Variants in CFAP54 observed in about 807,000 individuals in gnomAD.
CFAP54 encodes the protein cilia and flagella associated protein 54.
A neutral mutation model predicts 370.4 loss-of-function variants in CFAP54; 290 were observed. The ratio of observed to expected loss-of-function variants is 0.78; its 90% CI spans 0.71 to 0.86. The LOEUF (loss-of-function observed/expected upper bound fraction) is 0.86, where lower values mean the gene tolerates loss of function less well. Among genes scored for constraint, CFAP54 ranks in the 40% least tolerant of loss-of-function variants. The pLI is 0.00. For synonymous variants in CFAP54, 1,206 were observed against 1,236.5 expected (o/e 0.98, Z 0.52); for missense variants, 3,399 against 3,528.7 (o/e 0.96, Z 0.93).
chr12:96,570,609 C>T (rs1955907349), intron 19 of CFAP54, among the ~76,000 whole-genome samples: 1 of 152,094 alleles, frequency 6.6e-6, no homozygotes, highest in Non-Finnish European at 1.5e-5. Context: ...TATGACCTGT[C>T]AAGTTATTTA....
At chr12:96,822,791 C>T (rs554066213) in intron 65 of CFAP54, among the ~76,000 whole-genome samples, 41 of 152,338 alleles carry the variant, frequency 2.7e-4, no homozygotes, top group Non-Finnish European at 4.7e-4. Context: ...TTTTCCCCAG[C>T]TGTCTTGCTC....
chr12:96,805,645 T>A (rs1370452767), intron 63 of CFAP54, among the ~76,000 whole-genome samples: 3 of 151,318 alleles, frequency 2.0e-5, no homozygotes, highest in African/African-American at 7.3e-5. Flanking sequence ...TTGGTGGGAA[T>A]GTAAATTAGT....
chr12:96,491,880 C>T (rs1954888850), intron 1 of CFAP54, among the ~76,000 whole-genome samples: 2 of 152,154 alleles, frequency 1.3e-5, no homozygotes, highest in African/African-American at 2.4e-5. Context: ...GTGCCTCAGC[C>T]TTCTGAGTAG....
rs1565963345 is a variant in CFAP54, at chr12:96,747,087, A to G, written c.7684+2941A>G. 3.9e-5 allele frequency among the ~76,000 whole-genome samples: 6 copies of G among 152,244 alleles called. 1 individual carries two copies. The Middle Eastern group carries it at 0.014, about 345-fold the overall frequency. On this transcript the variant is annotated intron_variant, in intron 55 of 67. Transcript: ENST00000524981. ...ACGACATAAGCTTCTTAAGGCAACAATTTTGTTTTGTTCATCTGATATCCC... is the reference window on the plus strand; with the variant it reads ...ACGACATAAGCTTCTTAAGGCAACAGTTTTGTTTTGTTCATCTGATATCCC...
chr12:96,788,733 A>T (rs1209863066), intron 62 of CFAP54, among the ~76,000 whole-genome samples: 1 of 152,176 alleles, frequency 6.6e-6, no homozygotes, highest in Non-Finnish European at 1.5e-5. Context: ...ACTGTTAATA[A>T]ATTGTAAGTT....
intron 37 of CFAP54, 21 bp from the exon 38 acceptor site, chr12:96,658,190 G>A: frequency 6.3e-7 from 1 of 1,589,482 alleles, no homozygotes; most frequent in Non-Finnish European, 8.5e-7. Context: ...TCTTTTTAAT[G>A]TATTCTTTAC....
intron 36 of CFAP54, among the ~76,000 whole-genome samples, chr12:96,657,660 G>A (rs191826502): frequency 6.6e-6 from 1 of 152,312 alleles, no homozygotes; most frequent in East Asian, 1.9e-4. Flanking sequence ...TATAGGGAAC[G>A]ATAATGAACA....
chr12:96,683,105 A>G (rs904294716), intron 40 of CFAP54, among the ~76,000 whole-genome samples: 3 of 152,232 alleles, frequency 2.0e-5, no homozygotes, highest in Admixed American at 1.3e-4. Flanking sequence ...TGTATTTAAT[A>G]TATTCTTCTT....
At position 96,648,028 on chromosome 12, in the gene CFAP54, C is replaced by A; in HGVS notation, c.4690+11C>A. 1 of 1,491,338 alleles carries A rather than the reference C, an allele frequency of 6.7e-7. No homozygotes were observed. Among genetic ancestry groups the A allele is most frequent in the Non-Finnish European group, 8.8e-7 (1 of 1,131,106 alleles). 92.4% of individuals were successfully genotyped at this position (1,491,338 alleles called of 1,614,324 possible). On this transcript the variant is annotated intron_variant, in intron 34 of 67. Transcript: ENST00000524981. ...CCAACTTACCATCAGGTAAAATAAA[C>A]ATGTTAGTTTATTATTAAATTACCT...
At chr12:96,589,687 A>C in intron 23 of CFAP54, 124 bp downstream of exon 23, 1 of 632,890 alleles carries the variant, frequency 1.6e-6, no homozygotes, top group Non-Finnish European at 2.7e-6. Context: ...CATTTCTAAT[A>C]ACTATTGTAA....
chr12:96,849,845 C>T (rs1959485543), intron 66 of CFAP54, among the ~76,000 whole-genome samples: 1 of 152,096 alleles, frequency 6.6e-6, no homozygotes, highest in African/African-American at 2.4e-5. Flanking sequence ...TCAAATAGCT[C>T]CTTCAAGTGT....
At chr12:96,497,639 G>A (rs1279645153) in intron 1 of CFAP54, among the ~76,000 whole-genome samples, 1 of 152,170 alleles carries the variant, frequency 6.6e-6, no homozygotes, top group African/African-American at 2.4e-5. Flanking sequence ...AAAGATACCT[G>A]CAAAGACAAG....
intron 64 of CFAP54, among the ~76,000 whole-genome samples, chr12:96,813,019 A>G (rs1433533325): frequency 6.6e-6 from 1 of 152,082 alleles, no homozygotes; most frequent in Middle Eastern, 3.2e-3. Context: ...ACTTAGGTAC[A>G]GGCTACAGAC....
At position 96,666,587 on chromosome 12, in the gene CFAP54, T is replaced by C. The variant is rs1957083334; in HGVS notation, c.5563+2655T>C. Among the ~76,000 whole-genome samples, 3 of 152,192 alleles carry C rather than the reference T, an allele frequency of 2.0e-5. No individual in the cohort carries two copies. In the South Asian group the frequency reaches 6.2e-4, roughly 32 times the overall value. Reference sequence around the variant, plus strand: ...GAGAGCATGTGCAGGGGAACTGCCCTTTATAAACCATCAGATATCGTGAGA... The same window carrying C: ...GAGAGCATGTGCAGGGGAACTGCCCCTTATAAACCATCAGATATCGTGAGA... On this transcript the variant is annotated intron_variant, in intron 39 of 67. Coordinates refer to ENST00000524981, the MANE Select transcript of CFAP54 (RefSeq NM_001306084.2).
At chr12:96,822,339 C>T (rs1246821130) in intron 65 of CFAP54, among the ~76,000 whole-genome samples, 2 of 152,020 alleles carry the variant, frequency 1.3e-5, no homozygotes, top group African/African-American at 2.4e-5. Flanking sequence ...TGCCAAGTCA[C>T]CTAAGGTTAG....
chr12:96,535,003 CTTT>C (rs1408668715), intron 11 of CFAP54, among the ~76,000 whole-genome samples: 1 of 120,172 alleles, frequency 8.3e-6, no homozygotes, highest in Non-Finnish European at 1.7e-5. Context: ...GATTAGTTTT[CTTT>C]TCTGTGTGTG....
At chr12:96,559,360 C>T (rs997975487) in intron 17 of CFAP54, among the ~76,000 whole-genome samples, 4 of 152,068 alleles carry the variant, frequency 2.6e-5, no homozygotes, top group African/African-American at 9.7e-5. Flanking sequence ...ATTAAAACAT[C>T]TCATGTACCC....
At chr12:96,825,551 A>G (rs1429666482) in intron 65 of CFAP54, among the ~76,000 whole-genome samples, 6 of 112,226 alleles carry the variant, frequency 5.3e-5, no homozygotes, top group Non-Finnish European at 8.3e-5. Context: ...TATTATATAT[A>G]TTATATATAC....
rs1461516890 is a variant in CFAP54 at position 96,874,619 on chromosome 12, TTATTTTTATTTTA to T, written c.*15-497_*15-485del. Among the ~76,000 whole-genome samples, 14 of 9,894 alleles carry T rather than the reference TTATTTTTATTTTA, an allele frequency of 1.4e-3. 5 individuals are homozygous for T. In the East Asian group the frequency reaches 0.44, roughly 309 times the overall value. The allele number at this position is 9,894 out of a possible 152,430, so 6.5% of individuals were successfully genotyped here. On this transcript the variant is annotated intron_variant, in intron 67 of 67. Transcript: ENST00000524981. Reference sequence around the variant, plus strand: ...TCTGTTTTGGGATCTCTGCTTTTTTTTATTTTTATTTTATTTTTTTTTTTTTTTGAGACGGAGT... The same window carrying T: ...TCTGTTTTGGGATCTCTGCTTTTTTTTTTTTTTTTTTTTTTGAGACGGAGT...
Sources: allele counts gnomAD v4.1 joint callset (sites outside exome capture counted in the v4.1 genomes callset), GRCh38; gene constraint gnomAD v4.1.1; transcripts MANE v1.5; gene names NCBI Gene and HGNC (gene_info 2026-07-23, HGNC 2026-07-21).